The following ALPL variants were observed in gnomAD, a reference collection of about 807,000 sequenced individuals.
ALPL encodes alkaline phosphatase, tissue-nonspecific isozyme.
Under a neutral mutation model 51.3 loss-of-function variants are expected in ALPL, and 42 were observed. That is an observed-to-expected ratio of 0.82 (90% CI 0.64 to 1.06). The LOEUF (loss-of-function observed/expected upper bound fraction) is 1.06, where lower values mean the gene tolerates loss of function less well. Among genes scored for constraint, ALPL ranks in the 50% least tolerant of loss-of-function variants. ALPL has a pLI of 0.00. For missense variants in ALPL, 589 were observed against 709.4 expected (o/e 0.83, Z 1.93); for synonymous variants, 279 against 296.4 (o/e 0.94, Z 0.60).
rs2275377 is a variant in ALPL at position 21,570,394 on chromosome 1, G to T, written c.862+20G>T. On this transcript the variant is annotated intron_variant, in intron 8 of 11. Coordinates refer to ENST00000374840, the MANE Select transcript of ALPL (RefSeq NM_000478.6). The stretch of plus-strand genomic sequence containing the variant: ...TATTGGGTAAGTGGAGGGGGTGGAG[G>T]GGAGGATGCATGGCTCGGAGCCTGG... 232,690 of 1,611,926 alleles carry T rather than the reference G, an allele frequency of 0.14. 21,827 individuals carry two copies. The highest frequency in any genetic ancestry group is 0.5 in the East Asian group (22,575 of 44,786).
intron 1 of ALPL, among the ~76,000 whole-genome samples, chr1:21,537,795 C>T (rs919722069): frequency 1.3e-5 from 2 of 152,252 alleles, no homozygotes; most frequent in African/African-American, 4.8e-5. Context: ...GAACCTCCCT[C>T]CTGTTCTGAG....
chr1:21,516,452 G>C (rs1558525117), intron 1 of ALPL, among the ~76,000 whole-genome samples: 1 of 152,126 alleles, frequency 6.6e-6, no homozygotes, highest in Non-Finnish European at 1.5e-5. Context: ...CACGTACTAG[G>C]CATGGTGCTC....
In ALPL at chr1:21,554,325, C is replaced by CATAT. The variant is rs61491376; in HGVS notation, c.61+195_61+198dup. 0.64 allele frequency among the ~76,000 whole-genome samples: 93,395 copies of CATAT among 146,110 alleles called. 31,186 individuals carry two copies. The highest frequency in any genetic ancestry group is 0.75 in the Non-Finnish European group (50,076 of 66,714). ...TTAGTTGGATAGGTCACTCTTTTCCCATATATATATATATACACACATACA... is the reference window on the plus strand; with the variant it reads ...TTAGTTGGATAGGTCACTCTTTTCCCATATATATATATATATATACACACATACA... On this transcript the variant is annotated intron_variant, in intron 2 of 11. Transcript: ENST00000374840.
chr1:21,522,072 ATTTT>A (rs35302039), intron 1 of ALPL, among the ~76,000 whole-genome samples: 2 of 134,734 alleles, frequency 1.5e-5, no homozygotes, highest in Non-Finnish European at 1.6e-5. Context: ...ACATATGTCC[ATTTT>A]TTTTTTTTTT....
rs182567506 is a variant in ALPL at position 21,561,304 on chromosome 1, C to A, written c.297+92C>A. On this transcript the variant is annotated intron_variant, in intron 4 of 11. Coordinates refer to ENST00000374840, the MANE Select transcript of ALPL (RefSeq NM_000478.6). The stretch of plus-strand genomic sequence containing the variant: ...GACAGCAGCCAGAGGTCCCCTGACC[C>A]CCTGAGCCCCCTCCATGCCCAAGCC... 6.9e-4 allele frequency: 771 copies of A among 1,123,828 alleles called. 3 individuals carry two copies. In the African/African-American group the frequency reaches 0.011, roughly 15 times the overall value. 69.6% of individuals were successfully genotyped at this position (1,123,828 alleles called of 1,614,324 possible). A position where few individuals can be genotyped will look rare whatever the true frequency, so the allele number is the denominator to read the frequency against.
chr1:21,541,923 A>G (rs571079341), intron 1 of ALPL, among the ~76,000 whole-genome samples: 1 of 152,284 alleles, frequency 6.6e-6, no homozygotes, highest in Admixed American at 6.5e-5. Context: ...GTCAATGGCT[A>G]GAAGTCTGAG....
At chr1:21,572,989 C>T (rs769798630) in intron 8 of ALPL, among the ~76,000 whole-genome samples, 3 of 152,238 alleles carry the variant, frequency 2.0e-5, no homozygotes, top group Admixed American at 1.3e-4. Context: ...GCCCTGCAGG[C>T]TGGAGGCAGA....
At chr1:21,518,333 C>A (rs1643840394) in intron 1 of ALPL, among the ~76,000 whole-genome samples, 1 of 152,136 alleles carries the variant, frequency 6.6e-6, no homozygotes, top group South Asian at 2.1e-4. Context: ...TTGTTACGCA[C>A]CAAGCCACTC....
chr1:21,525,458 G>T (rs1192819161), intron 1 of ALPL, among the ~76,000 whole-genome samples: 1 of 152,234 alleles, frequency 6.6e-6, no homozygotes. Flanking sequence ...GGAAGAAAAA[G>T]GCTGCCCCTG....
chr1:21,521,245 C>T lies in ALPL; in HGVS notation c.-105+11728C>T, dbSNP rs879819499. Among the ~76,000 whole-genome samples the T allele has an allele frequency of 4.6e-5, 7 of 151,998 alleles. No individual in the cohort carries two copies. The East Asian group carries it at 9.7e-4, about 21-fold the overall frequency. On this transcript the variant is annotated intron_variant, in intron 1 of 11. Coordinates refer to ENST00000374840, the MANE Select transcript of ALPL (RefSeq NM_000478.6). Reference sequence around the variant, plus strand: ...TGTCGCCCAGGCTGTAGTACAACGGCGCGATCTCGGCTCACTGCAACCTGC... The same window carrying T: ...TGTCGCCCAGGCTGTAGTACAACGGTGCGATCTCGGCTCACTGCAACCTGC...
chr1:21,548,637 T>A (rs1442588853), intron 1 of ALPL, among the ~76,000 whole-genome samples: 2 of 152,212 alleles, frequency 1.3e-5, no homozygotes, highest in Admixed American at 6.5e-5. Context: ...CTTTATTCGC[T>A]CACCTGTTTT....
chr1:21,562,533 A>T (rs994779136), intron 4 of ALPL, among the ~76,000 whole-genome samples: 5 of 151,998 alleles, frequency 3.3e-5, no homozygotes, highest in African/African-American at 1.2e-4. Context: ...TGTGCCTTCA[A>T]GGTGCTCTCA....
intron 1 of ALPL, among the ~76,000 whole-genome samples, chr1:21,534,485 C>T (rs916914963): frequency 5.3e-5 from 8 of 152,124 alleles, no homozygotes; most frequent in Admixed American, 2.6e-4. Context: ...ACGGAGTCAG[C>T]GAAGAGGAGG....
intron 1 of ALPL, among the ~76,000 whole-genome samples, chr1:21,526,391 C>T (rs901245674): frequency 1.3e-5 from 2 of 152,126 alleles, no homozygotes; most frequent in Non-Finnish European, 2.9e-5. Flanking sequence ...CTGCCTGCCT[C>T]GGCCTCCCAA....
chr1:21,549,593 C>G (rs544124867), intron 1 of ALPL, among the ~76,000 whole-genome samples: 1 of 152,150 alleles, frequency 6.6e-6, no homozygotes, highest in African/African-American at 2.4e-5. Flanking sequence ...CCTGCCTCAG[C>G]CTCTCAGGTA....
At chr1:21,544,096 C>T (rs568948893) in intron 1 of ALPL, among the ~76,000 whole-genome samples, 108 of 152,220 alleles carry the variant, frequency 7.1e-4, no homozygotes, top group Non-Finnish European at 1.1e-3. Flanking sequence ...CCTCCATTTT[C>T]TCACCTGTAA....
chr1:21,550,783 G>A (rs1644310820), intron 1 of ALPL, among the ~76,000 whole-genome samples: 1 of 152,146 alleles, frequency 6.6e-6, no homozygotes, highest in East Asian at 1.9e-4. Context: ...GAATCACACT[G>A]TAAGTGCTCT....
At chr1:21,553,401 G>A (rs1271909227) in intron 1 of ALPL, among the ~76,000 whole-genome samples, 2 of 152,110 alleles carry the variant, frequency 1.3e-5, no homozygotes, top group Non-Finnish European at 2.9e-5. Context: ...AGCTCTAGAA[G>A]AGAATGTAGC....
intron 1 of ALPL, among the ~76,000 whole-genome samples, chr1:21,516,592 T>C (rs1371520929): frequency 6.6e-6 from 1 of 152,232 alleles, no homozygotes; most frequent in Non-Finnish European, 1.5e-5. Context: ...TAGACATGTT[T>C]GTTCCCTGCG....
Sources: gnomAD v4.1 joint callset for allele counts (sites outside exome capture counted in the v4.1 genomes callset) on GRCh38, gnomAD v4.1.1 for gene constraint, MANE v1.5 for transcripts, NCBI Gene and HGNC (gene_info 2026-07-23, HGNC 2026-07-21) for gene names.